TEX15: variants seen among roughly 807,000 people sequenced by gnomAD.
TEX15 encodes testis-expressed protein 15.
In TEX15, 171 loss-of-function variants were observed where a neutral mutation model predicts 237.3. That is an observed-to-expected ratio of 0.72 (90% confidence interval 0.64 to 0.82). The LOEUF (loss-of-function observed/expected upper bound fraction) is 0.82, where lower values mean the gene tolerates loss of function less well. Among genes scored for constraint, TEX15 ranks in the 40% least tolerant of loss-of-function variants. TEX15 has a pLI of 0.00. For synonymous variants in TEX15, 1,338 were observed against 1,269.8 expected, an observed-to-expected ratio of 1.05 and a Z score of -1.14; for missense variants, 3,750 against 3,646.5, an observed-to-expected ratio of 1.03 and a Z score of -0.73.
chr8:30,845,965 A>G lies in TEX15; in HGVS notation c.4202T>C (p.Ile1401Thr). The G allele has an allele frequency of 6.2e-7, 1 of 1,613,096 alleles. No homozygotes were observed. Among genetic ancestry groups the G allele is most frequent in the South Asian group, 1.1e-5 (1 of 90,868 alleles). ...CTTTCTTTCTTCTCCTACTTTAGTT[A>G]TAAGCTGCAAAGATGTGTGAACTCT... ...HRRVHTSLQLITKVGEERKGP... is the reference protein window; with the variant it reads ...HRRVHTSLQLTTKVGEERKGP... The change falls in exon 8 of 11, where the codon ATA (isoleucine) becomes ACA (threonine). Residue 1401 changes from isoleucine to threonine, a missense_variant. Physicochemically the swap from Ile to Thr is moderately conservative, Grantham distance 89. Transcript: ENST00000643185.
In TEX15 at chr8:30,833,692, C is replaced by T. The variant is rs191140694; in HGVS notation, c.9482-369G>A. 2.7e-4 allele frequency among the ~76,000 whole-genome samples: 41 copies of T among 152,302 alleles called. No homozygotes were observed. In the South Asian group the frequency reaches 3.5e-3, roughly 13 times the overall value. On this transcript the variant is annotated intron_variant, in intron 10 of 10. Coordinates refer to ENST00000643185, the MANE Select transcript of TEX15 (RefSeq NM_001350162.2). ...GACAAATGGGTCCAAGGGATTTTCA[C>T]ATTTTTAAGAATGCAGTTCCTGTAA...
At chr8:30,873,627 T>C (rs1196810081) in intron 4 of TEX15, among the ~76,000 whole-genome samples, 1 of 152,138 alleles carries the variant, frequency 6.6e-6, no homozygotes, top group Admixed American at 6.6e-5. Flanking sequence ...CCTTTCCCAG[T>C]ACCAAATTCA....
In TEX15 at chr8:30,842,373, T is replaced by C; in HGVS notation, c.7794A>G (p.Val2598=). ...YNQFSTLLKN[V]MSAPRKDLGK... ...CTAAATCTTTCCTAGGGGCAGACAT[T>C]ACATTCTTCAGCAGTGTAGAAAATT... is the stretch of plus-strand genomic sequence containing the variant. Residue 2598 remains valine, a synonymous_variant, in exon 8 of 11, where the codon GTA becomes GTG. Coordinates refer to ENST00000643185, the MANE Select transcript of TEX15 (RefSeq NM_001350162.2). The C allele has an allele frequency of 6.2e-7, 1 of 1,613,836 alleles. No homozygotes were observed. Among genetic ancestry groups the C allele is most frequent in the Non-Finnish European group, 8.5e-7 (1 of 1,179,868 alleles).
intron 4 of TEX15, among the ~76,000 whole-genome samples, chr8:30,869,298 C>T (rs1808241028): frequency 6.6e-6 from 1 of 151,910 alleles, no homozygotes; most frequent in Admixed American, 6.6e-5. Flanking sequence ...TTTCTGTACA[C>T]AGTAACATGT....
At chr8:30,878,432 A>G (rs1301347826) in intron 3 of TEX15, among the ~76,000 whole-genome samples, 1 of 152,070 alleles carries the variant, frequency 6.6e-6, no homozygotes, top group Non-Finnish European at 1.5e-5. Flanking sequence ...TGCCCAGGCT[A>G]GAGTGCAATG....
chr8:30,887,042 T>A, intron 3 of TEX15, 125 bp downstream of exon 3: 2 of 802,728 alleles, frequency 2.5e-6, no homozygotes, highest in South Asian at 4.4e-5. Context: ...CATGTATGTT[T>A]AAGGAATTAG....
At chr8:30,892,396 T>G (rs1563274577) in intron 2 of TEX15, among the ~76,000 whole-genome samples, 1 of 152,140 alleles carries the variant, frequency 6.6e-6, no homozygotes, top group Non-Finnish European at 1.5e-5. Flanking sequence ...GATACATGCT[T>G]GAGCAAAACC....
rs780831101 is a variant in TEX15, at chr8:30,858,836, A to G, written c.688-6T>C. The stretch of plus-strand genomic sequence containing the variant: ...CTGTATTCATAGAAGTACACCTGAA[A>G]GATGAAAACAGGTTCATGCTGATTA... On this transcript the variant is annotated splice_polypyrimidine_tract_variant and splice_region_variant and intron_variant, in intron 6 of 10. Coordinates refer to ENST00000643185, the MANE Select transcript of TEX15 (RefSeq NM_001350162.2). The G allele has an allele frequency of 1.6e-4, 250 of 1,519,000 alleles. No homozygotes were observed. The highest frequency in any genetic ancestry group is 2.0e-4 in the Non-Finnish European group (225 of 1,141,266). The allele number at this position is 1,519,000 out of a possible 1,614,324, so 94.1% of individuals were successfully genotyped here.
intron 7 of TEX15, among the ~76,000 whole-genome samples, chr8:30,851,575 T>C (rs1187976313): frequency 6.6e-6 from 1 of 151,484 alleles, no homozygotes; most frequent in Non-Finnish European, 1.5e-5. Context: ...GAGGTTGCAG[T>C]GAGCTGAGAT....
chr8:30,837,161 G>GT lies in TEX15; in HGVS notation c.9122dup (p.Tyr3041Ter). The GT allele has an allele frequency of 6.2e-7, 1 of 1,614,038 alleles. No homozygotes were observed. Residue 3041 changes from tyrosine (Y) to a stop codon, truncating the protein, a stop_gained and frameshift_variant, in exon 10 of 11, where the codon TAC (tyrosine) becomes TAAC (stop). Transcript: ENST00000643185. LOFTEE classifies it high-confidence loss of function. ...TGTACTGATAAACACACCAAGCAGA[G>GT]TATGGATATGAAGTTCCAAATAAAT... ...SEHLFGTSYP[Y>*]SAWCVYQYSN...
intron 3 of TEX15, among the ~76,000 whole-genome samples, chr8:30,882,698 T>C (rs1444730552): frequency 1.3e-5 from 2 of 152,226 alleles, no homozygotes; most frequent in African/African-American, 4.8e-5. Context: ...GGTACAATAA[T>C]CTATAAATGT....
Position 30,842,920 on chromosome 8 carries a change from ATAT to A in TEX15, c.7244_7246del (p.Asn2415del), listed in dbSNP as rs1209754523. On this transcript the variant is annotated inframe_deletion, in exon 8 of 11. Coordinates refer to ENST00000643185, the MANE Select transcript of TEX15 (RefSeq NM_001350162.2). ...TAAAACATTTTCTTCTGTGATAAAA[ATAT>A]TATCCATGTTATTATCTTGTAGCAT... The A allele has an allele frequency of 2.5e-6, 4 of 1,609,486 alleles. No individual in the cohort carries two copies. The highest frequency in any genetic ancestry group is 3.4e-6 in the Non-Finnish European group (4 of 1,177,618).
At chr8:30,904,772 C>T (rs1312908391) in intron 1 of TEX15, among the ~76,000 whole-genome samples, 1 of 152,178 alleles carries the variant, frequency 6.6e-6, no homozygotes, top group Non-Finnish European at 1.5e-5. Context: ...AAGAAGTCAA[C>T]AGCTTTATTT....
chr8:30,867,082 C>T (rs1585298006), intron 5 of TEX15, among the ~76,000 whole-genome samples, 183 bp downstream of exon 5: 1 of 146,554 alleles, frequency 6.8e-6, no homozygotes, highest in Non-Finnish European at 1.5e-5. Context: ...TTGTGTTGCA[C>T]ACCCAGGTAA....
intron 1 of TEX15, among the ~76,000 whole-genome samples, chr8:30,907,809 A>G (rs1490872989): frequency 6.7e-6 from 1 of 148,816 alleles, no homozygotes; most frequent in Non-Finnish European, 1.5e-5. Context: ...TGGTGGCACA[A>G]GCCTTTAGTC....
chr8:30,892,230 G>C (rs1808808752), intron 2 of TEX15, among the ~76,000 whole-genome samples: 1 of 152,108 alleles, frequency 6.6e-6, no homozygotes, highest in Non-Finnish European at 1.5e-5. Context: ...CGAACTGCTA[G>C]CATTTTTTAA....
At chr8:30,852,764 G>A (rs918696555) in intron 7 of TEX15, among the ~76,000 whole-genome samples, 4 of 151,918 alleles carry the variant, frequency 2.6e-5, no homozygotes, top group African/African-American at 9.7e-5. Context: ...AATGCAATAC[G>A]GAAACTAATA....
intron 4 of TEX15, among the ~76,000 whole-genome samples, chr8:30,871,074 T>G (rs1271324213): frequency 6.6e-6 from 1 of 152,032 alleles, no homozygotes; most frequent in Non-Finnish European, 1.5e-5. Context: ...CTTTTTTCTT[T>G]CATCTCTGCT....
intron 9 of TEX15, among the ~76,000 whole-genome samples, chr8:30,838,934 G>T (rs1243344057): frequency 2.7e-5 from 4 of 149,938 alleles, no homozygotes; most frequent in Non-Finnish European, 5.9e-5. Context: ...TCCTGCCTCA[G>T]CCTCCCAAGT....
Sources: allele counts gnomAD v4.1 joint callset (sites outside exome capture counted in the v4.1 genomes callset), GRCh38; gene constraint gnomAD v4.1.1; transcripts MANE v1.5; gene names NCBI Gene and HGNC (gene_info 2026-07-23, HGNC 2026-07-21).